The following CFAP77 variants were observed in gnomAD, a reference collection of about 807,000 sequenced individuals.
The protein encoded by CFAP77 is cilia and flagella associated protein 77.
Under a neutral mutation model 31.1 loss-of-function variants are expected in CFAP77, and 25 were observed. That is an observed-to-expected ratio of 0.80 (90% CI 0.59 to 1.12). CFAP77 has a LOEUF of 1.12. CFAP77 is among the 50% of genes most tolerant of loss of function. The probability of loss-of-function intolerance (pLI) is 0.00; values close to 1 mark genes in which losing one functional copy is unlikely to be tolerated. For missense variants in CFAP77, 377 were observed against 397.3 expected (o/e 0.95, Z 0.44); for synonymous variants, 151 against 159.9 (o/e 0.94, Z 0.42).
At chr9:132,443,166 AT>A (rs1189070925) in intron 1 of CFAP77, among the ~76,000 whole-genome samples, 1 of 151,884 alleles carries the variant, frequency 6.6e-6, no homozygotes, top group Non-Finnish European at 1.5e-5. Context: ...ATAATACTCA[AT>A]TGTATAGATA....
chr9:132,508,695 G>T (rs1422842021), intron 3 of CFAP77, among the ~76,000 whole-genome samples: 2 of 152,090 alleles, frequency 1.3e-5, no homozygotes, highest in African/African-American at 2.4e-5. Flanking sequence ...TTGGAAGGGG[G>T]CAGTCCTCAC....
At chr9:132,542,402 G>T (rs921099581) in intron 4 of CFAP77, among the ~76,000 whole-genome samples, 1 of 152,218 alleles carries the variant, frequency 6.6e-6, no homozygotes, top group South Asian at 2.1e-4. Context: ...GCACAGGCAC[G>T]CAGGTCAGGA....
At chr9:132,531,371 C>T (rs905664460) in intron 3 of CFAP77, among the ~76,000 whole-genome samples, 4 of 152,116 alleles carry the variant, frequency 2.6e-5, no homozygotes, top group South Asian at 2.1e-4. Flanking sequence ...ATGAGCGCCC[C>T]CCGCGTGGGA....
In CFAP77 at chr9:132,498,628, C is replaced by T; in HGVS notation, c.196-67C>T. On this transcript the variant is annotated intron_variant, in intron 1 of 5. Transcript: ENST00000393216. The surrounding 1 kb of genome is among the most constrained non-coding windows in gnomAD (Gnocchi z 4.2). ...GCAGGCATCTGGTGCCTCCCTGCTGCCGGATTACAATACATTTGGTCTGAG... is the reference window on the plus strand; with the variant it reads ...GCAGGCATCTGGTGCCTCCCTGCTGTCGGATTACAATACATTTGGTCTGAG... 2 of 1,256,996 alleles carry T rather than the reference C, an allele frequency of 1.6e-6. No individual in the cohort carries two copies. Among genetic ancestry groups the T allele is most frequent in the Non-Finnish European group, 2.3e-6 (2 of 879,342 alleles). The allele number at this position is 1,256,996 out of a possible 1,614,324, so 77.9% of individuals were successfully genotyped here.
intron 5 of CFAP77, among the ~76,000 whole-genome samples, chr9:132,546,057 A>G (rs983587000): frequency 6.6e-6 from 1 of 152,244 alleles, no homozygotes. Context: ...AGAGGCCAGC[A>G]GGGTGCCTGG....
Position 132,517,129 on chromosome 9 carries a change from C to T in CFAP77, c.524+17529C>T, listed in dbSNP as rs903534317. On this transcript the variant is annotated intron_variant, in intron 3 of 5. Transcript: ENST00000393216. This position sits in a 1 kb window ranked among gnomAD's most constrained non-coding sequence, Gnocchi z 4.7. ...TGGGTGTCCCTCATGGATCGGGTGTCGATTTCGTATCGTGGAGAGAAGCCC... is the reference window on the plus strand; with the variant it reads ...TGGGTGTCCCTCATGGATCGGGTGTTGATTTCGTATCGTGGAGAGAAGCCC... 2.0e-5 allele frequency among the ~76,000 whole-genome samples: 3 copies of T among 152,070 alleles called. No homozygotes were observed. The highest frequency in any genetic ancestry group is 4.8e-5 in the African/African-American group (2 of 41,390).
intron 1 of CFAP77, among the ~76,000 whole-genome samples, chr9:132,491,987 A>G (rs905722936): frequency 4.6e-5 from 7 of 152,256 alleles, no homozygotes; most frequent in African/African-American, 1.7e-4. Flanking sequence ...CTCAGTCTAT[A>G]TATTGAACAG....
chr9:132,435,912 C>T (rs1452947168), intron 1 of CFAP77, among the ~76,000 whole-genome samples: 1 of 152,146 alleles, frequency 6.6e-6, no homozygotes, highest in Non-Finnish European at 1.5e-5. Context: ...GTAGATTCTG[C>T]TAAGTGGGAT....
chr9:132,430,726 G>C (rs148238376), intron 1 of CFAP77, among the ~76,000 whole-genome samples: 1 of 152,090 alleles, frequency 6.6e-6, no homozygotes, highest in African/African-American at 2.4e-5. Context: ...CAGAAAACTT[G>C]TTCCTCTTCT....
At position 132,519,048 on chromosome 9, in the gene CFAP77, G is replaced by A. The variant is rs192154829; in HGVS notation, c.525-18553G>A. On this transcript the variant is annotated intron_variant, in intron 3 of 5. Transcript: ENST00000393216. Reference sequence around the variant, plus strand: ...AGGATTGAGGAGGCAGGCAGGGAGTGTGAGCTGTGAGGATGGTTATTTCTG... The same window carrying A: ...AGGATTGAGGAGGCAGGCAGGGAGTATGAGCTGTGAGGATGGTTATTTCTG... Among the ~76,000 whole-genome samples, 149 of 152,262 alleles carry A rather than the reference G, an allele frequency of 9.8e-4. 1 individual carries two copies. The highest frequency in any genetic ancestry group is 3.2e-3 in the African/African-American group (133 of 41,570).
chr9:132,568,125 CAGAGAAGCAG>C (rs1829909315), intron 5 of CFAP77, among the ~76,000 whole-genome samples: 1 of 152,078 alleles, frequency 6.6e-6, no homozygotes, highest in Non-Finnish European at 1.5e-5. Context: ...CATGGGCACC[CAGAGAAGCAG>C]AGAGAAGCAA....
chr9:132,530,136 CT>C (rs750962954), intron 3 of CFAP77, among the ~76,000 whole-genome samples: 7,868 of 93,440 alleles, frequency 0.084, 144 homozygotes, highest in East Asian at 0.33. Context: ...TCTTTCTTTT[CT>C]TTTTTTTTTT....
chr9:132,547,561 G>C (rs1026693919), intron 5 of CFAP77, among the ~76,000 whole-genome samples: 6 of 152,174 alleles, frequency 3.9e-5, no homozygotes, highest in African/African-American at 1.2e-4. Context: ...GGCCAGACTC[G>C]GGTGTGACTG....
intron 1 of CFAP77, among the ~76,000 whole-genome samples, chr9:132,486,085 TA>T (rs1385166503): frequency 0.021 from 537 of 25,694 alleles, 115 homozygotes; most frequent in African/African-American, 0.043. Context: ...TATATATATA[TA>T]TATATTTTTT....
intron 5 of CFAP77, among the ~76,000 whole-genome samples, chr9:132,544,890 C>T (rs1275654927): frequency 2.6e-5 from 4 of 152,168 alleles, no homozygotes; most frequent in Non-Finnish European, 5.9e-5. Flanking sequence ...GCATGGGCTG[C>T]CCTCTGCAGC....
chr9:132,410,796 T>G (rs1849979337), intron 1 of CFAP77, among the ~76,000 whole-genome samples: 1 of 152,060 alleles, frequency 6.6e-6, no homozygotes, highest in Non-Finnish European at 1.5e-5. Context: ...TCCCACAGAG[T>G]GAACCCACAG....
At chr9:132,516,395 C>A (rs946850023) in intron 3 of CFAP77, among the ~76,000 whole-genome samples, 16 of 152,118 alleles carry the variant, frequency 1.1e-4, no homozygotes, top group Non-Finnish European at 2.1e-4. Context: ...GTGGGGCTGA[C>A]ATAATAGTAG....
intron 1 of CFAP77, among the ~76,000 whole-genome samples, chr9:132,448,569 TTTTGTTTG>T (rs574082923): frequency 6.6e-6 from 1 of 152,016 alleles, no homozygotes; most frequent in African/African-American, 2.4e-5. Flanking sequence ...GAAGCCTCTG[TTTTGTTTG>T]TTTGTTTGTT....
chr9:132,426,299 T>G (rs1249416689), intron 1 of CFAP77, among the ~76,000 whole-genome samples: 1 of 152,200 alleles, frequency 6.6e-6, no homozygotes, highest in Non-Finnish European at 1.5e-5. Context: ...AGCAACATCA[T>G]TTTTGGACAG....
Sources: gnomAD v4.1 joint callset for allele counts (sites outside exome capture counted in the v4.1 genomes callset) on GRCh38, gnomAD v4.1.1 for gene constraint, Gnocchi (gnomAD v3.1) non-coding constraint, MANE v1.5 for transcripts, NCBI Gene and HGNC (gene_info 2026-07-23, HGNC 2026-07-21) for gene names.